The following OTUD7A variants were observed in gnomAD, a reference collection of about 807,000 sequenced individuals.
OTUD7A encodes OTU domain-containing protein 7A.
OTUD7A carries 12 observed loss-of-function variants against 65.7 expected under a neutral mutation model. The ratio of observed to expected loss-of-function variants is 0.18; its 90% CI spans 0.12 to 0.30. The LOEUF is 0.30. Among genes scored for constraint, OTUD7A ranks in the 10% least tolerant of loss-of-function variants. The pLI, the probability that OTUD7A is intolerant of heterozygous loss-of-function variation, is 1.00. For synonymous variants in OTUD7A, 641 were observed against 586.3 expected (o/e 1.09, Z -1.35); for missense variants, 1,148 against 1,304.8 (o/e 0.88, Z 1.85).
chr15:31,812,247 C>A (rs200004882), intron 1 of OTUD7A, among the ~76,000 whole-genome samples: 4 of 150,260 alleles, frequency 2.7e-5, no homozygotes, highest in African/African-American at 7.3e-5. Context: ...GTTCAGGGAG[C>A]CCAACCAGGG....
At chr15:31,821,923 G>T (rs1242739518) in intron 1 of OTUD7A, among the ~76,000 whole-genome samples, 1 of 152,160 alleles carries the variant, frequency 6.6e-6, no homozygotes, top group Admixed American at 6.5e-5. Context: ...TTGGAGAAAG[G>T]TCTGGTCAAG....
In OTUD7A at chr15:31,734,375, G is replaced by A. The variant is rs1487441922; in HGVS notation, c.-99-77298C>T. Among the ~76,000 whole-genome samples, 8 of 152,236 alleles carry A rather than the reference G, an allele frequency of 5.3e-5. No homozygotes were observed. In the East Asian group the frequency reaches 1.5e-3, roughly 29 times the overall value. On this transcript the variant is annotated intron_variant, in intron 1 of 12. Transcript: ENST00000307050. ...ATGCTATTCCTATTAAACTACCATT[G>A]AGATTCTTCATAGAACTAGAAAAAA...
At chr15:31,763,241 C>G (rs1018424425) in intron 1 of OTUD7A, among the ~76,000 whole-genome samples, 2 of 152,088 alleles carry the variant, frequency 1.3e-5, no homozygotes, top group African/African-American at 2.4e-5. Context: ...AGAGATCGTG[C>G]CACTGCACTC....
chr15:31,841,150 T>C (rs1897173349), intron 1 of OTUD7A, among the ~76,000 whole-genome samples: 1 of 152,112 alleles, frequency 6.6e-6, no homozygotes, highest in Non-Finnish European at 1.5e-5. Flanking sequence ...GTGGCAGAAT[T>C]GCCTGGGGTG....
At chr15:31,592,767 C>T (rs1595636247) in intron 3 of OTUD7A, among the ~76,000 whole-genome samples, 2 of 147,422 alleles carry the variant, frequency 1.4e-5, no homozygotes, top group East Asian at 4.1e-4. Context: ...GTAGTCCCAG[C>T]TACTTGCAAG....
At chr15:31,564,016 A>G (rs1240626277) in intron 4 of OTUD7A, among the ~76,000 whole-genome samples, 1 of 152,228 alleles carries the variant, frequency 6.6e-6, no homozygotes, top group African/African-American at 2.4e-5. Flanking sequence ...CTAGATTAAA[A>G]AATGAGCCTA....
At chr15:31,585,343 A>G (rs1182188063) in intron 3 of OTUD7A, among the ~76,000 whole-genome samples, 1 of 152,246 alleles carries the variant, frequency 6.6e-6, no homozygotes, top group African/African-American at 2.4e-5. Flanking sequence ...CGTGGAAGGC[A>G]GCAGGAGAAG....
At chr15:31,546,381 G>A (rs1003389193) in intron 5 of OTUD7A, among the ~76,000 whole-genome samples, 26 of 152,230 alleles carry the variant, frequency 1.7e-4, no homozygotes, top group African/African-American at 6.0e-4. Flanking sequence ...ATATGAAGAC[G>A]AAGACTTCAA....
intron 8 of OTUD7A, among the ~76,000 whole-genome samples, chr15:31,507,159 G>T (rs1296952688): frequency 6.6e-6 from 1 of 152,154 alleles, no homozygotes; most frequent in Non-Finnish European, 1.5e-5. Flanking sequence ...TGAAGAAGGG[G>T]AAGATGGGGG....
At chr15:31,534,771 G>A (rs1317827262) in intron 5 of OTUD7A, among the ~76,000 whole-genome samples, 1 of 152,134 alleles carries the variant, frequency 6.6e-6, no homozygotes, top group Non-Finnish European at 1.5e-5. Context: ...CACAGGATTG[G>A]TTCTGGGACC....
chr15:31,485,777 G>A (rs1288420509), intron 12 of OTUD7A, among the ~76,000 whole-genome samples: 1 of 152,234 alleles, frequency 6.6e-6, no homozygotes, highest in East Asian at 1.9e-4. Flanking sequence ...CTGGGAGAAG[G>A]CCCATTGCTC....
intron 1 of OTUD7A, among the ~76,000 whole-genome samples, chr15:31,778,172 A>G (rs182266457): frequency 2.6e-4 from 39 of 152,284 alleles, no homozygotes; most frequent in Admixed American, 1.8e-3. Context: ...AGAGAGGGGT[A>G]CAAGTACCAT....
At chr15:31,527,473 A>G (rs572437251) in intron 6 of OTUD7A, among the ~76,000 whole-genome samples, 165 bp from the exon 7 acceptor site, 1 of 152,322 alleles carries the variant, frequency 6.6e-6, no homozygotes, top group African/African-American at 2.4e-5. Flanking sequence ...CTTCTTCCTG[A>G]GGCTTCCCAT....
Position 31,714,503 on chromosome 15 carries a change from A to C in OTUD7A, c.-99-57426T>G, listed in dbSNP as rs187992176. On this transcript the variant is annotated intron_variant, in intron 1 of 12. Transcript: ENST00000307050. ...TTTTTGAGCTGGGCAGTGATTATTT[A>C]ATAAAAAGGCATATTTACATTTTTT... Among the ~76,000 whole-genome samples, 48 of 152,298 alleles carry C rather than the reference A, an allele frequency of 3.2e-4. No individual in the cohort carries two copies. The East Asian group carries it at 8.3e-3, about 26-fold the overall frequency.
At position 31,502,675 on chromosome 15, in the gene OTUD7A, C is replaced by T. The variant is rs571339561; in HGVS notation, c.1022-836G>A. ...GGGCTGTGAGTAGCATGGTAGGAAG[C>T]GTGGACCTTCCTCTGCCCCGCAACT... On this transcript the variant is annotated intron_variant, in intron 9 of 12. Transcript: ENST00000307050. Among the ~76,000 whole-genome samples the T allele has an allele frequency of 5.6e-4, 86 of 152,310 alleles. No individual in the cohort carries two copies. The South Asian group carries it at 0.012, about 22-fold the overall frequency.
In OTUD7A at chr15:31,749,742, A is replaced by T. The variant is rs561031913; in HGVS notation, c.-99-92665T>A. 5.0e-3 allele frequency among the ~76,000 whole-genome samples: 748 copies of T among 149,480 alleles called. 5 individuals are homozygous for T. The highest frequency in any genetic ancestry group is 0.018 in the African/African-American group (716 of 40,896). On this transcript the variant is annotated intron_variant, in intron 1 of 12. Coordinates refer to ENST00000307050, the MANE Select transcript of OTUD7A (RefSeq NM_001382637.1). ...AAGAGGAAGAAATAAAAGGTGTACA[A>T]TTTTTTTTTTTAAAAAAAGGAAGTC... is the stretch of plus-strand genomic sequence containing the variant.
chr15:31,508,047 G>A (rs1310568479), intron 8 of OTUD7A, among the ~76,000 whole-genome samples: 1 of 152,184 alleles, frequency 6.6e-6, no homozygotes, highest in African/African-American at 2.4e-5. Flanking sequence ...TACAAGGTAT[G>A]ATAGAGCAAG....
In OTUD7A at chr15:31,476,912, G is replaced by A. The variant is rs2041030305; in HGVS notation, c.*6382C>T. 1 of 152,284 alleles carries A rather than the reference G, an allele frequency of 6.6e-6. No individual in the cohort carries two copies. Among genetic ancestry groups the A allele is most frequent in the Admixed American group, 6.5e-5 (1 of 15,292 alleles). The allele number at this position is 152,284 out of a possible 1,614,324, so 9.4% of individuals were successfully genotyped here. On this transcript the variant is annotated 3_prime_UTR_variant, in exon 13 of 13. Coordinates refer to ENST00000307050, the MANE Select transcript of OTUD7A (RefSeq NM_001382637.1). Reference sequence around the variant, plus strand: ...TGTGAAAATCATCTGGCAGGGGCAGGAAGGTCATTGGAGGACCCACGCCTC... The same window carrying A: ...TGTGAAAATCATCTGGCAGGGGCAGAAAGGTCATTGGAGGACCCACGCCTC...
chr15:31,558,544 ACTGAGG>A (rs1888575100), intron 5 of OTUD7A: 1 of 194,726 alleles, frequency 5.1e-6, no homozygotes, highest in South Asian at 1.2e-4. Flanking sequence ...AGATGGAGAA[ACTGAGG>A]CTGAGAGAGA....
Sources: gnomAD v4.1 joint callset for allele counts (sites outside exome capture counted in the v4.1 genomes callset) on GRCh38, gnomAD v4.1.1 for gene constraint, MANE v1.5 for transcripts, NCBI Gene and HGNC (gene_info 2026-07-23, HGNC 2026-07-21) for gene names.